The following MYO1D variants were observed in gnomAD, a reference collection of about 807,000 sequenced individuals.
MYO1D encodes the protein unconventional myosin-Id.
MYO1D carries 83 observed loss-of-function variants against 122.0 expected under a neutral mutation model. That is an observed-to-expected ratio of 0.68 (90% confidence interval 0.57 to 0.82). MYO1D has a LOEUF of 0.82. Ranked by LOEUF, MYO1D falls within the 40% of genes least tolerant of loss-of-function variation. The pLI is 0.00. For synonymous variants in MYO1D, 464 were observed against 446.9 expected (o/e 1.04, Z -0.48); for missense variants, 1,157 against 1,269.5 (o/e 0.91, Z 1.35).
chr17:32,570,515 C>A (rs542071930), intron 21 of MYO1D, among the ~76,000 whole-genome samples: 6 of 152,050 alleles, frequency 3.9e-5, no homozygotes, highest in African/African-American at 1.4e-4. Flanking sequence ...AGGCACCCGC[C>A]ACATTTTTTT....
At chr17:32,593,978 C>A (rs1293558928) in intron 21 of MYO1D, among the ~76,000 whole-genome samples, 2 of 152,200 alleles carry the variant, frequency 1.3e-5, no homozygotes, top group Non-Finnish European at 2.9e-5. Flanking sequence ...TAAAAGCAGA[C>A]ATCTATTCAG....
intron 1 of MYO1D, among the ~76,000 whole-genome samples, chr17:32,810,538 C>A (rs1044847309): frequency 6.7e-6 from 1 of 150,280 alleles, no homozygotes; most frequent in South Asian, 2.1e-4. Flanking sequence ...AGTGCAATGG[C>A]GTGATCCTGG....
intron 10 of MYO1D, among the ~76,000 whole-genome samples, chr17:32,756,993 T>A (rs1490341860): frequency 2.0e-5 from 3 of 152,136 alleles, no homozygotes; most frequent in Non-Finnish European, 2.9e-5. Flanking sequence ...CAGCTTATGA[T>A]CACACAGTTT....
At chr17:32,849,432 T>C (rs950517149) in intron 1 of MYO1D, among the ~76,000 whole-genome samples, 15 of 148,812 alleles carry the variant, frequency 1.0e-4, no homozygotes, top group African/African-American at 3.8e-4. Flanking sequence ...CCAACAATGA[T>C]AGACTGGATT....
intron 21 of MYO1D, among the ~76,000 whole-genome samples, chr17:32,553,103 CAAA>C (rs66479224): frequency 7.5e-6 from 1 of 133,284 alleles, no homozygotes; most frequent in African/African-American, 3.0e-5. Context: ...AAAAACAAAA[CAAA>C]AAAAAAAACA....
intron 21 of MYO1D, chr17:32,602,551 C>T (rs2087574199): frequency 6.6e-6 from 1 of 152,190 alleles, no homozygotes; most frequent in Non-Finnish European, 1.5e-5. Context: ...TACCCAATTA[C>T]CCTGTGAATG....
chr17:32,846,546 CAAAAGT>C (rs1331703724), intron 1 of MYO1D, among the ~76,000 whole-genome samples: 1 of 151,988 alleles, frequency 6.6e-6, no homozygotes. Context: ...TACATTCTTG[CAAAAGT>C]AAATTACAGT....
In MYO1D at chr17:32,605,226, C is replaced by T. The variant is rs369392065; in HGVS notation, c.2725G>A (p.Val909Ile). The T allele has an allele frequency of 1.5e-5, 23 of 1,564,310 alleles. No individual in the cohort carries two copies. In the African/African-American group the frequency reaches 2.8e-4, roughly 19 times the overall value. ...ACAAGTTGGTCCTTTCCATTGGAGACACTCAGACCAGTCAACTGCAAAGAG... is the reference window on the plus strand; with the variant it reads ...ACAAGTTGGTCCTTTCCATTGGAGATACTCAGACCAGTCAACTGCAAAGAG... ...IPLYNLTGLS[V>I]SNGKDQLVVF... Residue 909 changes from valine (V) to isoleucine (I), a missense_variant, in exon 21 of 22, where the codon GTC becomes ATC. By Grantham distance (29) the Val-to-Ile change is conservative. Transcript: ENST00000318217.
At chr17:32,721,312 A>T in intron 14 of MYO1D, 123 bp from the exon 15 acceptor site, 1 of 869,426 alleles carries the variant, frequency 1.2e-6, no homozygotes. Context: ...TCTCAGGCAT[A>T]CACTTGTGAA....
intron 1 of MYO1D, among the ~76,000 whole-genome samples, chr17:32,837,488 T>C (rs989259683): frequency 6.6e-6 from 1 of 152,144 alleles, no homozygotes; most frequent in African/African-American, 2.4e-5. Flanking sequence ...ATTTTCTTTC[T>C]TTCTTTTTGC....
chr17:32,774,941 G>A (rs1289877424), intron 4 of MYO1D, among the ~76,000 whole-genome samples: 2 of 152,170 alleles, frequency 1.3e-5, no homozygotes, highest in Non-Finnish European at 2.9e-5. Context: ...TAAAGCACAA[G>A]CTTAACTGTA....
At chr17:32,525,100 A>G (rs60954363) in intron 21 of MYO1D, among the ~76,000 whole-genome samples, 25,750 of 152,244 alleles carry the variant, frequency 0.17, 2,597 homozygotes, top group African/African-American at 0.27. Context: ...GGGCCAACAT[A>G]CTTTTCTTAC....
At position 32,531,701 on chromosome 17, in the gene MYO1D, T is replaced by C. The variant is rs185371695; in HGVS notation, c.2865-36786A>G. The stretch of plus-strand genomic sequence containing the variant: ...TGTGTGCATCAAACAAAAATGGCCA[T>C]GTGCATGCATAATGATGGATAGCGG... On this transcript the variant is annotated intron_variant, in intron 21 of 21. Transcript: ENST00000318217. Among the ~76,000 whole-genome samples the C allele has an allele frequency of 2.5e-4, 38 of 152,168 alleles. 1 individual carries two copies. Among genetic ancestry groups the C allele is most frequent in the African/African-American group, 7.5e-4 (31 of 41,420 alleles).
chr17:32,519,448 C>G, intron 21 of MYO1D: 1 of 152,442 alleles, frequency 6.6e-6, no homozygotes, highest in East Asian at 1.9e-4. Context: ...CAAAGGGAAT[C>G]TGCACCCGCC....
At chr17:32,526,059 T>G (rs2150870378) in intron 21 of MYO1D, among the ~76,000 whole-genome samples, 1 of 152,368 alleles carries the variant, frequency 6.6e-6, no homozygotes, top group East Asian at 1.9e-4. Flanking sequence ...AATATTGGCA[T>G]CACTTTTAGG....
At chr17:32,517,652 C>T (rs989025635) in intron 21 of MYO1D, among the ~76,000 whole-genome samples, 2 of 152,166 alleles carry the variant, frequency 1.3e-5, no homozygotes, top group Non-Finnish European at 2.9e-5. Flanking sequence ...TTAAGCATCA[C>T]CCTCCCTGGG....
At chr17:32,804,012 C>T (rs946402427) in intron 1 of MYO1D, among the ~76,000 whole-genome samples, 1 of 152,126 alleles carries the variant, frequency 6.6e-6, no homozygotes, top group Non-Finnish European at 1.5e-5. Flanking sequence ...TCTAGTAATA[C>T]TAGTATTTAT....
At chr17:32,679,355 A>C (rs1045048979) in intron 16 of MYO1D, among the ~76,000 whole-genome samples, 10 of 152,108 alleles carry the variant, frequency 6.6e-5, no homozygotes, top group East Asian at 3.9e-4. Context: ...CCTGAATGGT[A>C]ATGCCTAGGT....
intron 21 of MYO1D, among the ~76,000 whole-genome samples, chr17:32,586,660 C>T (rs775419223): frequency 3.3e-5 from 5 of 152,146 alleles, no homozygotes; most frequent in Admixed American, 6.5e-5. Flanking sequence ...CTTCTAAGTA[C>T]GTATAAACTA....
Sources: gnomAD v4.1 joint callset for allele counts (sites outside exome capture counted in the v4.1 genomes callset) on GRCh38, gnomAD v4.1.1 for gene constraint, MANE v1.5 for transcripts, NCBI Gene and HGNC (gene_info 2026-07-23, HGNC 2026-07-21) for gene names.